The following ZNF563 variants were observed in gnomAD, a reference collection of about 807,000 sequenced individuals.
ZNF563 encodes the protein zinc finger protein 563.
In ZNF563, 39 loss-of-function variants were observed where a neutral mutation model predicts 48.5. The observed-to-expected ratio is 0.80, with a 90% CI of 0.62 to 1.05. ZNF563 has a LOEUF of 1.05. Ranked by LOEUF, ZNF563 falls within the 50% of genes least tolerant of loss-of-function variation. The pLI is 0.00. For missense variants in ZNF563, 538 were observed against 597.0 expected (o/e 0.90, Z 1.03); for synonymous variants, 168 against 187.9 (o/e 0.89, Z 0.87).
At chr19:12,339,623 C>T in the ZNF563 span, among the ~76,000 whole-genome samples, 2 of 151,878 alleles carry the variant, frequency 1.3e-5, no homozygotes. Context: ...CTATACAGAG[C>T]CTTGACCTGG....
chr19:12,338,669 C>T (rs1307525741), upstream of ZNF563, among the ~76,000 whole-genome samples: 1 of 151,994 alleles, frequency 6.6e-6, no homozygotes, highest in Non-Finnish European at 1.5e-5. Context: ...ACCTGACCAA[C>T]ATGGAGAAAC....
At chr19:12,325,609 G>A (rs1968774464) in intron 1 of ZNF563, among the ~76,000 whole-genome samples, 1 of 152,120 alleles carries the variant, frequency 6.6e-6, no homozygotes, top group Non-Finnish European at 1.5e-5. Context: ...TGCACTCATA[G>A]GAAAGAACAT....
At position 12,318,643 on chromosome 19, in the gene ZNF563, G is replaced by A. The variant is rs374820562; in HGVS notation, c.1382C>T (p.Pro461Leu). Reference sequence around the variant, plus strand: ...CTTTTCATGTCTTTGACATACACTGGGATAAACAAAGGCTTTCCCACATAC... The same window carrying A: ...CTTTTCATGTCTTTGACATACACTGAGATAAACAAAGGCTTTCCCACATAC... ...CKVCGKAFVYPSVCQRHEKTH... is the reference protein window; with the variant it reads ...CKVCGKAFVYLSVCQRHEKTH... The change falls in exon 4 of 4, where the codon CCC (proline) becomes CTC (leucine). Residue 461 changes from proline to leucine, a missense_variant. Transcript: ENST00000293725. 4.3e-6 allele frequency: 7 copies of A among 1,614,026 alleles called. No individual in the cohort carries two copies. Among genetic ancestry groups the A allele is most frequent in the Non-Finnish European group, 5.9e-6 (7 of 1,179,996 alleles).
chr19:12,324,184 C>T (rs956606557), intron 1 of ZNF563, among the ~76,000 whole-genome samples: 5 of 151,888 alleles, frequency 3.3e-5, no homozygotes, highest in African/African-American at 1.2e-4. Flanking sequence ...ATGGCGAAAC[C>T]CTGTCTCTGC....
the ZNF563 span, among the ~76,000 whole-genome samples, chr19:12,342,377 C>T: frequency 6.6e-6 from 1 of 151,414 alleles, no homozygotes; most frequent in African/African-American, 2.4e-5. Context: ...AAAAAATACA[C>T]AAATAAGTGT....
chr19:12,340,966 A>G, the ZNF563 span, among the ~76,000 whole-genome samples: 1 of 152,168 alleles, frequency 6.6e-6, no homozygotes, highest in African/African-American at 2.4e-5. Flanking sequence ...AAAAAAGAAA[A>G]GAACACTGGA....
Position 12,319,218 on chromosome 19 carries a change from T to A in ZNF563, c.807A>T (p.Ile269=). 1 of 1,613,972 alleles carries A rather than the reference T, an allele frequency of 6.2e-7. No homozygotes were observed. The highest frequency in any genetic ancestry group is 8.5e-7 in the Non-Finnish European group (1 of 1,179,988). The change falls in exon 4 of 4, where the codon ATA becomes ATT. Residue 269 remains isoleucine, a synonymous_variant. Transcript: ENST00000293725. ...SKALPDSSSY[I]RHERTHTGEK... ...CTCCAGTGTGAGTTCTTTCATGTCT[T>A]ATATAGGAACTGGAATCAGGCAAGG...
the ZNF563 span, among the ~76,000 whole-genome samples, chr19:12,341,243 G>A: frequency 5.3e-5 from 8 of 152,130 alleles, no homozygotes; most frequent in Admixed American, 3.3e-4. Flanking sequence ...GTAGATCTGC[G>A]GTTTTGCCAT....
rs1173687195 is a variant in ZNF563, at chr19:12,332,391, C to T, written c.3+1089G>A. On this transcript the variant is annotated intron_variant, in intron 1 of 3. Coordinates refer to ENST00000293725, the MANE Select transcript of ZNF563 (RefSeq NM_145276.3). ...AGACGGAGTCTCTCTCTGTCGCCGG[C>T]CCAGACTGGAGTGCAGTGACGTGAT... Among the ~76,000 whole-genome samples the T allele has an allele frequency of 4.1e-5, 6 of 145,836 alleles. No homozygotes were observed. In the South Asian group the frequency reaches 1.3e-3, roughly 32 times the overall value.
the ZNF563 span, among the ~76,000 whole-genome samples, chr19:12,341,640 A>G: frequency 1.3e-5 from 2 of 152,350 alleles, no homozygotes; most frequent in Admixed American, 6.5e-5. Context: ...TATTTATAAA[A>G]GAGTCAATAC....
chr19:12,330,732 C>T (rs1415246688), intron 1 of ZNF563, among the ~76,000 whole-genome samples: 1 of 152,204 alleles, frequency 6.6e-6, no homozygotes, highest in African/African-American at 2.4e-5. Context: ...CTAACACCTC[C>T]ATATACAATA....
upstream of ZNF563, chr19:12,333,775 C>A: frequency 2.1e-6 from 1 of 478,000 alleles, no homozygotes; most frequent in Admixed American, 3.7e-5. Context: ...GTCCCGCCCC[C>A]TGGGCACTGA....
intron 2 of ZNF563, 59 bp from the exon 3 acceptor site, chr19:12,321,391 G>C (rs1326404461): frequency 3.4e-5 from 37 of 1,093,018 alleles, no homozygotes; most frequent in Non-Finnish European, 4.1e-5. Context: ...AAAACAGTAA[G>C]ATTTTATGTA....
chr19:12,322,768 A>G (rs1468805281), intron 1 of ZNF563, 57 bp from the exon 2 acceptor site: 1 of 1,499,166 alleles, frequency 6.7e-7, no homozygotes, highest in African/African-American at 1.4e-5. Context: ...TGAAAAAACT[A>G]TACTCAGTTC....
chr19:12,318,877 T>C lies in ZNF563; in HGVS notation c.1148A>G (p.His383Arg), dbSNP rs780887635. ...TCCACCTCCAGTGTGCATTATCATG[T>C]GTCTTCGAAAGCTTGAGCTATGAGA... The part of the protein sequence containing the change: ...TLSHSSSFRR[H>R]MIMHTGGGPH... The change falls in exon 4 of 4, where the codon CAC (histidine) becomes CGC (arginine). Residue 383 changes from histidine to arginine, a missense_variant. By Grantham distance (29) the His-to-Arg change is conservative (BLOSUM62 0). Coordinates refer to ENST00000293725, the MANE Select transcript of ZNF563 (RefSeq NM_145276.3). 3.1e-6 allele frequency: 5 copies of C among 1,614,228 alleles called. No homozygotes were observed. In the South Asian group the frequency reaches 5.5e-5, roughly 18 times the overall value.
chr19:12,325,958 C>A (rs907223643), intron 1 of ZNF563, among the ~76,000 whole-genome samples: 1 of 152,182 alleles, frequency 6.6e-6, no homozygotes, highest in South Asian at 2.1e-4. Context: ...TAGTTACAGC[C>A]TTCATCAAAC....
At chr19:12,332,507 C>A (rs1402488497) in intron 1 of ZNF563, among the ~76,000 whole-genome samples, 2 of 151,994 alleles carry the variant, frequency 1.3e-5, no homozygotes, top group Non-Finnish European at 2.9e-5. Flanking sequence ...TGTGACACCA[C>A]GTCTGGCTAA....
At chr19:12,325,604 T>G (rs1968774229) in intron 1 of ZNF563, among the ~76,000 whole-genome samples, 2 of 152,098 alleles carry the variant, frequency 1.3e-5, no homozygotes, top group Admixed American at 1.3e-4. Flanking sequence ...CCACATGCAC[T>G]CATAGGAAAG....
upstream of ZNF563, among the ~76,000 whole-genome samples, chr19:12,338,454 G>A (rs1283271000): frequency 1.3e-5 from 2 of 152,078 alleles, no homozygotes; most frequent in African/African-American, 4.8e-5. Context: ...TCGCCATGTT[G>A]GCCAGGCTGG....
Sources: gnomAD v4.1 joint callset for allele counts (sites outside exome capture counted in the v4.1 genomes callset) on GRCh38, gnomAD v4.1.1 for gene constraint, MANE v1.5 for transcripts, NCBI Gene and HGNC (gene_info 2026-07-23, HGNC 2026-07-21) for gene names.